ATXN8OS: variants seen among roughly 807,000 people sequenced by gnomAD.
ATXN8OS encodes the protein ATXN8 opposite strand lncRNA, also known as ATXN8 opposite strand (non-protein coding).
intron 4 of ATXN8OS, among the ~76,000 whole-genome samples, chr13:70,163,920 T>C (rs1889040842): frequency 6.6e-6 from 1 of 151,264 alleles, no homozygotes; most frequent in Non-Finnish European, 1.5e-5. Flanking sequence ...ATAGAATAAA[T>C]ATATGACAGA....
At position 70,139,885 on chromosome 13, in the gene ATXN8OS, A is replaced by C. The variant is rs185792331; in HGVS notation, n.500-7470A>C. On this transcript the variant is annotated intron_variant and non_coding_transcript_variant, in intron 3 of 4. Transcript: ENST00000678624. ...TTCCTAGCTCTGTTTTTTAATCACGATTTTTGAAAGTTTTGGATATTTTCA... is the reference window on the plus strand; with the variant it reads ...TTCCTAGCTCTGTTTTTTAATCACGCTTTTTGAAAGTTTTGGATATTTTCA... 5.1e-4 allele frequency among the ~76,000 whole-genome samples: 77 copies of C among 152,260 alleles called. 2 individuals carry two copies. The highest frequency in any genetic ancestry group is 2.5e-4 in the Non-Finnish European group (17 of 68,014).
exon 5 of ATXN8OS, among the ~76,000 whole-genome samples, chr13:70,170,073 A>C (rs1438642567): frequency 6.6e-6 from 1 of 152,108 alleles, no homozygotes; most frequent in Non-Finnish European, 1.5e-5. Context: ...TACACTCACA[A>C]AGTAATTTTT....
intron 3 of ATXN8OS, among the ~76,000 whole-genome samples, chr13:70,138,679 AGAG>A (rs1775510760): frequency 6.6e-6 from 1 of 152,126 alleles, no homozygotes; most frequent in Non-Finnish European, 1.5e-5. Flanking sequence ...CCAAAATGAA[AGAG>A]GAGAGAGGAA....
chr13:70,117,334 A>C (rs1035802208), intron 2 of ATXN8OS, among the ~76,000 whole-genome samples: 3 of 152,052 alleles, frequency 2.0e-5, no homozygotes, highest in Non-Finnish European at 4.4e-5. Flanking sequence ...TCAAAACATC[A>C]TGTTGTATAC....
chr13:70,115,660 G>A (rs1008458926), intron 2 of ATXN8OS, among the ~76,000 whole-genome samples: 1 of 152,012 alleles, frequency 6.6e-6, no homozygotes, highest in Admixed American at 6.6e-5. Flanking sequence ...TGTCTATCAT[G>A]GCATGAAACA....
chr13:70,132,178 T>C (rs958353223), intron 3 of ATXN8OS, among the ~76,000 whole-genome samples: 6 of 152,122 alleles, frequency 3.9e-5, no homozygotes, highest in African/African-American at 1.2e-4. Context: ...ATATATTGCT[T>C]ACTGGACTAT....
chr13:70,116,073 T>C (rs562003444), intron 2 of ATXN8OS, among the ~76,000 whole-genome samples: 12 of 152,160 alleles, frequency 7.9e-5, no homozygotes, highest in African/African-American at 2.6e-4. Context: ...CTCTGCATTA[T>C]CATCCTTTCA....
intron 3 of ATXN8OS, among the ~76,000 whole-genome samples, chr13:70,130,414 C>T (rs1888514646): frequency 6.6e-6 from 1 of 152,072 alleles, no homozygotes; most frequent in Non-Finnish European, 1.5e-5. Context: ...AACAAAAGTT[C>T]ATATTAACAT....
chr13:70,124,421 C>G (rs1328614), intron 2 of ATXN8OS, among the ~76,000 whole-genome samples: 2 of 151,850 alleles, frequency 1.3e-5, no homozygotes, highest in African/African-American at 4.8e-5. Flanking sequence ...ACATTAGATA[C>G]TATGGTTAGA....
At chr13:70,131,113 G>T in intron 3 of ATXN8OS, 1 of 398,426 alleles carries the variant, frequency 2.5e-6, no homozygotes, top group East Asian at 3.6e-5. Context: ...CCCAATACAT[G>T]TGTAAGAATA....
chr13:70,159,217 T>C (rs1266111401), intron 4 of ATXN8OS, among the ~76,000 whole-genome samples: 2 of 151,890 alleles, frequency 1.3e-5, no homozygotes, highest in Non-Finnish European at 2.9e-5. Flanking sequence ...ATTACACATA[T>C]AGAAGAATTA....
chr13:70,115,544 TG>T (rs540551002), intron 2 of ATXN8OS, among the ~76,000 whole-genome samples: 1 of 151,992 alleles, frequency 6.6e-6, no homozygotes, highest in African/African-American at 2.4e-5. Flanking sequence ...ATGGTTTTTT[TG>T]GGGGGGCAAC....
intron 1 of ATXN8OS, among the ~76,000 whole-genome samples, chr13:70,109,569 C>G (rs569810390): frequency 6.6e-6 from 1 of 152,098 alleles, no homozygotes; most frequent in Non-Finnish European, 1.5e-5. Flanking sequence ...ATTAAGTGCA[C>G]AAAAGACCTA....
At chr13:70,158,383 A>G (rs889043786) in intron 4 of ATXN8OS, among the ~76,000 whole-genome samples, 1 of 152,142 alleles carries the variant, frequency 6.6e-6, no homozygotes, top group African/African-American at 2.4e-5. Context: ...ACGCCACTGC[A>G]CTCCAGCCTG....
chr13:70,156,642 T>G (rs1356541313), intron 4 of ATXN8OS, among the ~76,000 whole-genome samples: 1 of 152,088 alleles, frequency 6.6e-6, no homozygotes, highest in African/African-American at 2.4e-5. Context: ...GAAATAAATA[T>G]TATTAGTATT....
chr13:70,131,192 T>C (rs1566600605), intron 3 of ATXN8OS: 1 of 398,044 alleles, frequency 2.5e-6, no homozygotes, highest in Admixed American at 4.4e-5. Context: ...GAGTAAGAAG[T>C]ATATCTGTCA....
At chr13:70,151,320 C>A (rs938105761) in intron 4 of ATXN8OS, among the ~76,000 whole-genome samples, 4 of 152,108 alleles carry the variant, frequency 2.6e-5, no homozygotes, top group African/African-American at 9.7e-5. Flanking sequence ...CTTCCCCCGG[C>A]AACTGACATT....
intron 3 of ATXN8OS, among the ~76,000 whole-genome samples, chr13:70,133,654 G>GA (rs567820311): frequency 6.6e-6 from 1 of 152,072 alleles, no homozygotes; most frequent in African/African-American, 2.4e-5. Flanking sequence ...CAGAAACACA[G>GA]AAAAAAGGCT....
intron 4 of ATXN8OS, among the ~76,000 whole-genome samples, chr13:70,168,593 ATTT>A (rs377197453): frequency 1.4e-5 from 2 of 138,470 alleles, no homozygotes; most frequent in Non-Finnish European, 3.1e-5. Context: ...CTGTGACATC[ATTT>A]TTTTTTTTTT....
Sources: allele counts gnomAD v4.1 joint callset (sites outside exome capture counted in the v4.1 genomes callset), GRCh38; gene constraint gnomAD v4.1.1; transcripts MANE v1.5; gene names NCBI Gene and HGNC (gene_info 2026-07-23, HGNC 2026-07-21).